The following SULT1C2 variants were observed in gnomAD, a reference collection of about 807,000 sequenced individuals.
SULT1C2 encodes sulfotransferase 1C2.
Under a neutral mutation model 36.0 loss-of-function variants are expected in SULT1C2, and 27 were observed. The observed-to-expected ratio is 0.75, with a 90% confidence interval of 0.55 to 1.03. The LOEUF is 1.03. Among genes scored for constraint, SULT1C2 ranks in the 50% least tolerant of loss-of-function variants. The probability of loss-of-function intolerance (pLI) is 0.00; values close to 1 mark genes in which losing one functional copy is unlikely to be tolerated. For synonymous variants in SULT1C2, 121 were observed against 116.0 expected, an observed-to-expected ratio of 1.04 and a Z score of -0.27; for missense variants, 395 against 359.2, an observed-to-expected ratio of 1.10 and a Z score of -0.80.
intron 4 of SULT1C2, chr2:108,303,548 A>G (rs1676943915): frequency 6.6e-6 from 1 of 152,230 alleles, no homozygotes; most frequent in African/African-American, 2.4e-5. Flanking sequence ...CCAGTGTGTA[A>G]AAGCCCAACA....
intron 3 of SULT1C2, among the ~76,000 whole-genome samples, chr2:108,296,943 C>A (rs1348992656): frequency 6.6e-6 from 1 of 152,182 alleles, no homozygotes; most frequent in Non-Finnish European, 1.5e-5. Context: ...CCCTTCCAGG[C>A]CCCCTTCTGC....
chr2:108,300,460 C>G (rs1161846777), intron 3 of SULT1C2: 1 of 309,462 alleles, frequency 3.2e-6, no homozygotes, highest in Non-Finnish European at 5.9e-6. Flanking sequence ...TGATTGCAAA[C>G]AGGCCGGGTA....
chr2:108,295,256 C>CCCTCTGGCT (rs1304368184), intron 3 of SULT1C2, among the ~76,000 whole-genome samples: 1 of 152,246 alleles, frequency 6.6e-6, no homozygotes, highest in Non-Finnish European at 1.5e-5. Flanking sequence ...ACCATCCAGC[C>CCCTCTGGCT]CCTCTGGCTC....
chr2:108,300,760 C>T (rs775938179), intron 3 of SULT1C2, 78 bp from the exon 4 acceptor site: 3 of 1,591,668 alleles, frequency 1.9e-6, no homozygotes, highest in Non-Finnish European at 2.6e-6. Context: ...GATGGGATGT[C>T]CTGGACAGAG....
chr2:108,301,985 A>G (rs1676889615), intron 4 of SULT1C2: 1 of 152,218 alleles, frequency 6.6e-6, no homozygotes, highest in African/African-American at 2.4e-5. Context: ...AAAAACTTCC[A>G]TTTCCAGAAT....
rs1475810581 is a variant in SULT1C2 at position 108,308,658 on chromosome 2, C to T, written c.*194C>T. Reference sequence around the variant, plus strand: ...GGATCACGTCTAATGCCCATTTTCCCAACTATTCTTTCCAAAGTAAGATAT... The same window carrying T: ...GGATCACGTCTAATGCCCATTTTCCTAACTATTCTTTCCAAAGTAAGATAT... On this transcript the variant is annotated 3_prime_UTR_variant, in exon 8 of 8. Transcript: ENST00000251481. The T allele has an allele frequency of 1.2e-5, 6 of 506,024 alleles. No homozygotes were observed. In the South Asian group the frequency reaches 1.5e-4, roughly 12 times the overall value. 31.3% of individuals were successfully genotyped at this position (506,024 alleles called of 1,614,324 possible). A position where few individuals can be genotyped will look rare whatever the true frequency, so the allele number is the denominator to read the frequency against.
chr2:108,305,789 G>A (rs1397449742), intron 7 of SULT1C2, 194 bp downstream of exon 7: 8 of 691,892 alleles, frequency 1.2e-5, no homozygotes, highest in Admixed American at 2.9e-5. Context: ...GTATTTGGTT[G>A]CAAGGAACAG....
chr2:108,300,872 G>A lies in SULT1C2; in HGVS notation c.312G>A (p.Arg104=), dbSNP rs1468647250. 1.9e-6 allele frequency: 3 copies of A among 1,614,126 alleles called. No homozygotes were observed. The Admixed American group carries it at 5.0e-5, about 27-fold the overall frequency. The part of the protein sequence containing the change: ...VEKAKAMPSP[R]ILKTHLSTQL... ...AAGCCAAAGCAATGCCCTCTCCACG[G>A]ATACTAAAGACTCACCTTTCCACTC... Residue 104 remains arginine, a synonymous_variant, in exon 4 of 8, where the codon CGG becomes CGA. Transcript: ENST00000251481.
At chr2:108,290,272 G>GT (rs1274892970) in intron 1 of SULT1C2, among the ~76,000 whole-genome samples, 1 of 152,048 alleles carries the variant, frequency 6.6e-6, no homozygotes, top group African/African-American at 2.4e-5. Context: ...CACATCCCTG[G>GT]TGTTGCCTTG....
intron 2 of SULT1C2, 99 bp from the exon 3 acceptor site, chr2:108,294,130 C>G: frequency 6.5e-7 from 1 of 1,539,852 alleles, no homozygotes; most frequent in Non-Finnish European, 8.7e-7. Context: ...GAGGGTGATG[C>G]AAACACCAAG....
intron 3 of SULT1C2, among the ~76,000 whole-genome samples, chr2:108,297,284 G>T (rs899221280): frequency 6.6e-6 from 1 of 152,084 alleles, no homozygotes; most frequent in Admixed American, 6.5e-5. Context: ...CCAATGAACC[G>T]TTCCTGGAGG....
chr2:108,307,806 A>ATTGAAAGATT (rs1677061157), intron 7 of SULT1C2, among the ~76,000 whole-genome samples: 9 of 152,038 alleles, frequency 5.9e-5, no homozygotes, highest in Admixed American at 5.9e-4. Flanking sequence ...CACCACCCGC[A>ATTGAAAGATT]CCCCAATCAA....
At chr2:108,296,047 T>G (rs1349037431) in intron 3 of SULT1C2, among the ~76,000 whole-genome samples, 3 of 151,854 alleles carry the variant, frequency 2.0e-5, no homozygotes, top group African/African-American at 7.3e-5. Flanking sequence ...GCCTCGGCCT[T>G]CCAAGCCACT....
chr2:108,304,609 G>GTCTTT lies in SULT1C2; in HGVS notation c.411_412insTCTTT (p.Val138SerfsTer11). 1 of 1,613,238 alleles carries GTCTTT rather than the reference G, an allele frequency of 6.2e-7. No homozygotes were observed. Among genetic ancestry groups the GTCTTT allele is most frequent in the Non-Finnish European group, 8.5e-7 (1 of 1,179,738 alleles). ...TAGCTCGAAATGCCAAAGACTGTAT[G>GTCTTT]GTTTCCTACTACCATTTCCAAAGGA... On this transcript the variant is annotated frameshift_variant, in exon 5 of 8. Transcript: ENST00000251481. LOFTEE classifies it high-confidence loss of function.
chr2:108,300,794 A>T (rs1405958118), intron 3 of SULT1C2, 44 bp from the exon 4 acceptor site: 3 of 1,612,866 alleles, frequency 1.9e-6, no homozygotes, highest in Non-Finnish European at 2.5e-6. Context: ...GTCCCCATGT[A>T]GTGCTTGTAC....
intron 3 of SULT1C2, chr2:108,300,127 C>G (rs1220778047): frequency 6.6e-6 from 1 of 152,286 alleles, no homozygotes; most frequent in African/African-American, 2.4e-5. Context: ...GTCTGTAATC[C>G]CAGCACTTTG....
At chr2:108,297,858 A>G (rs983454230) in intron 3 of SULT1C2, among the ~76,000 whole-genome samples, 3 of 152,196 alleles carry the variant, frequency 2.0e-5, no homozygotes, top group Non-Finnish European at 4.4e-5. Flanking sequence ...GAGCCCACCA[A>G]CAGGGCTGGA....
intron 5 of SULT1C2, 92 bp from the exon 6 acceptor site, chr2:108,305,080 C>T: frequency 6.8e-7 from 1 of 1,465,668 alleles, no homozygotes; most frequent in Non-Finnish European, 9.5e-7. Context: ...TTTGGGTTTT[C>T]TCTCTCTAAC....
intron 1 of SULT1C2, among the ~76,000 whole-genome samples, 185 bp downstream of exon 1, chr2:108,289,255 C>T (rs1676534517): frequency 6.6e-6 from 1 of 152,246 alleles, no homozygotes; most frequent in South Asian, 2.1e-4. Flanking sequence ...CCTAGAAATT[C>T]AGGACCCCCC....
Sources: gnomAD v4.1 joint callset for allele counts (sites outside exome capture counted in the v4.1 genomes callset) on GRCh38, gnomAD v4.1.1 for gene constraint, MANE v1.5 for transcripts, NCBI Gene and HGNC (gene_info 2026-07-23, HGNC 2026-07-21) for gene names.